The following RICTOR variants were observed in gnomAD, a reference collection of about 807,000 sequenced individuals.
The protein encoded by RICTOR is rapamycin-insensitive companion of mTOR.
RICTOR carries 49 observed loss-of-function variants against 214.9 expected under a neutral mutation model. That is an observed-to-expected ratio of 0.23 (90% confidence interval 0.18 to 0.29). The LOEUF (loss-of-function observed/expected upper bound fraction) is 0.29, where lower values mean the gene tolerates loss of function less well. Among genes scored for constraint, RICTOR ranks in the 10% least tolerant of loss-of-function variants. The pLI, the probability that RICTOR is intolerant of heterozygous loss-of-function variation, is 1.00. For synonymous variants in RICTOR, 717 were observed against 711.3 expected (o/e 1.01, Z -0.13); for missense variants, 1,625 against 2,047.0 (o/e 0.79, Z 3.98).
intron 8 of RICTOR, among the ~76,000 whole-genome samples, chr5:38,980,363 G>A (rs1384453488): frequency 6.6e-6 from 1 of 152,086 alleles, no homozygotes; most frequent in East Asian, 1.9e-4. Context: ...ACTAGAGATG[G>A]CTTATTCTTT....
At chr5:38,990,537 G>T (rs1365861473) in intron 7 of RICTOR, among the ~76,000 whole-genome samples, 3 of 145,488 alleles carry the variant, frequency 2.1e-5, no homozygotes, top group Non-Finnish European at 4.5e-5. Flanking sequence ...ATATATATAC[G>T]ATATATACAC....
chr5:39,047,548 G>A (rs80311689), intron 2 of RICTOR, among the ~76,000 whole-genome samples: 5,042 of 152,224 alleles, frequency 0.033, 138 homozygotes, highest in South Asian at 0.082. Flanking sequence ...AACCTCTTAC[G>A]TAGACTACAT....
chr5:38,942,556 TC>T (rs1211676982), intron 37 of RICTOR, among the ~76,000 whole-genome samples, 178 bp from the exon 38 acceptor site: 1 of 149,526 alleles, frequency 6.7e-6, no homozygotes, highest in Non-Finnish European at 1.5e-5. Flanking sequence ...GTTCATATGA[TC>T]CTCCCACCTC....
At chr5:39,059,265 G>C (rs1284570599) in intron 2 of RICTOR, among the ~76,000 whole-genome samples, 1 of 152,070 alleles carries the variant, frequency 6.6e-6, no homozygotes, top group Non-Finnish European at 1.5e-5. Context: ...TTTACAAAAA[G>C]AGTACATCTA....
chr5:38,996,329 T>G (rs763593935), intron 6 of RICTOR, among the ~76,000 whole-genome samples: 4 of 152,206 alleles, frequency 2.6e-5, no homozygotes, highest in Non-Finnish European at 5.9e-5. Flanking sequence ...CACCCTCTCT[T>G]GTGGAGTGTA....
At chr5:38,943,042 T>C in intron 36 of RICTOR, 71 bp from the exon 37 acceptor site, 5 of 1,159,152 alleles carry the variant, frequency 4.3e-6, no homozygotes, top group East Asian at 2.4e-5. Flanking sequence ...AAGGTATCAC[T>C]TACTTTAAAA....
chr5:38,950,453 C>G lies in RICTOR; in HGVS notation c.3395G>C (p.Arg1132Thr). 1 of 1,613,568 alleles carries G rather than the reference C, an allele frequency of 6.2e-7. No homozygotes were observed. The highest frequency in any genetic ancestry group is 8.5e-7 in the Non-Finnish European group (1 of 1,179,654). ...ATCAACACTGGGCTCCGTAAGTGTTCTGATTCGCCTGTTGCTTGTCTTACT... is the reference window on the plus strand; with the variant it reads ...ATCAACACTGGGCTCCGTAAGTGTTGTGATTCGCCTGTTGCTTGTCTTACT... ...SESKTSNRRI[R>T]TLTEPSVDFN... Residue 1132 changes from arginine (R) to threonine (T), a missense_variant, in exon 31 of 38, where the codon AGA becomes ACA. Transcript: ENST00000357387.
chr5:38,960,904 TGAA>T (rs1561462219), intron 19 of RICTOR, among the ~76,000 whole-genome samples: 1 of 152,130 alleles, frequency 6.6e-6, no homozygotes, highest in Non-Finnish European at 1.5e-5. Flanking sequence ...TGCTGCCATA[TGAA>T]GAAGGATATG....
chr5:38,970,335 A>C (rs557891276), intron 11 of RICTOR: 2 of 152,324 alleles, frequency 1.3e-5, no homozygotes, highest in South Asian at 2.1e-4. Context: ...CTAGTCATTA[A>C]ATTTTTCATT....
At chr5:38,962,708 A>T in intron 17 of RICTOR, 122 bp from the exon 18 acceptor site, 1 of 803,856 alleles carries the variant, frequency 1.2e-6, no homozygotes, top group Non-Finnish European at 1.9e-6. Context: ...AAGGTTTTTT[A>T]ACTTTAAAGT....
chr5:38,996,953 A>G, intron 5 of RICTOR, 71 bp from the exon 6 acceptor site: 1 of 974,076 alleles, frequency 1.0e-6, no homozygotes, highest in South Asian at 1.3e-5. Context: ...CAATACTGAT[A>G]GATGAAACCC....
chr5:39,021,209 T>C, intron 2 of RICTOR, 73 bp from the exon 3 acceptor site: 1 of 836,130 alleles, frequency 1.2e-6, no homozygotes, highest in East Asian at 2.4e-5. Context: ...AAACATGCAG[T>C]ATTAAAACTT....
At chr5:38,970,470 C>T (rs746161778) in intron 11 of RICTOR, 8 of 152,200 alleles carry the variant, frequency 5.3e-5, no homozygotes, top group Non-Finnish European at 1.2e-4. Flanking sequence ...CCACCTATTA[C>T]AGTAAGAAGT....
intron 3 of RICTOR, 132 bp from the exon 4 acceptor site, chr5:39,003,754 C>A: frequency 2.0e-6 from 1 of 511,350 alleles, no homozygotes; most frequent in East Asian, 3.2e-5. Flanking sequence ...TTTTACTGTT[C>A]AAATCAGCAG....
chr5:39,030,617 G>A (rs1035553310), intron 2 of RICTOR, among the ~76,000 whole-genome samples: 1 of 152,120 alleles, frequency 6.6e-6, no homozygotes, highest in African/African-American at 2.4e-5. Context: ...TATATAACAT[G>A]AACCAAGATT....
In RICTOR at chr5:38,938,434, G is replaced by A. The variant is rs530869922; in HGVS notation, c.*3870C>T. ...TCTCTGCCCCAAGACTTTGCATTTT[G>A]TGCTAAATCAACCAAGTAGCAAAAT... is the stretch of plus-strand genomic sequence containing the variant. On this transcript the variant is annotated 3_prime_UTR_variant, in exon 38 of 38. Transcript: ENST00000357387. The A allele has an allele frequency of 3.3e-4, 77 of 231,346 alleles. No homozygotes were observed. Among genetic ancestry groups the A allele is most frequent in the South Asian group, 9.1e-4 (5 of 5,500 alleles). The allele number at this position is 231,346 out of a possible 1,614,324, so 14.3% of individuals were successfully genotyped here.
intron 25 of RICTOR, 121 bp from the exon 26 acceptor site, chr5:38,955,825 A>G: frequency 1.6e-6 from 1 of 633,738 alleles, no homozygotes; most frequent in East Asian, 2.8e-5. Flanking sequence ...ATGTTCTATC[A>G]TATCCATAAG....
rs1747158025 is a variant in RICTOR, at chr5:38,938,034, T to G, written c.*4270A>C. On this transcript the variant is annotated 3_prime_UTR_variant, in exon 38 of 38. Transcript: ENST00000357387. ...TACACATTATACAAAAACAAGAAAA[T>G]CACAACAAAAAAAATCAAGGTGAGC... The G allele has an allele frequency of 4.9e-6, 1 of 202,422 alleles. No homozygotes were observed. The highest frequency in any genetic ancestry group is 6.0e-5 in the Admixed American group (1 of 16,696). 12.5% of individuals were successfully genotyped at this position (202,422 alleles called of 1,614,324 possible).
At chr5:38,980,511 C>T (rs1265075787) in intron 8 of RICTOR, among the ~76,000 whole-genome samples, 4 of 152,058 alleles carry the variant, frequency 2.6e-5, no homozygotes, top group Admixed American at 1.3e-4. Flanking sequence ...GTTTCATTTA[C>T]ATAAAGGCTT....
Sources: allele counts gnomAD v4.1 joint callset (sites outside exome capture counted in the v4.1 genomes callset), GRCh38; gene constraint gnomAD v4.1.1; transcripts MANE v1.5; gene names NCBI Gene and HGNC (gene_info 2026-07-23, HGNC 2026-07-21).